The following ANKRD13B variants were observed in gnomAD, a reference collection of about 807,000 sequenced individuals.
The protein encoded by ANKRD13B is ankyrin repeat domain-containing protein 13B.
A neutral mutation model predicts 74.4 loss-of-function variants in ANKRD13B; 33 were observed. The ratio of observed to expected loss-of-function variants is 0.44; its 90% CI spans 0.34 to 0.59. ANKRD13B has a LOEUF of 0.59. Among genes scored for constraint, ANKRD13B ranks in the 20% least tolerant of loss-of-function variants. The pLI is 0.02. For missense variants in ANKRD13B, 676 were observed against 877.9 expected, an observed-to-expected ratio of 0.77 and a Z score of 2.91; for synonymous variants, 341 against 362.9, an observed-to-expected ratio of 0.94 and a Z score of 0.68.
At chr17:29,598,005 C>G (rs1406508611) in intron 1 of ANKRD13B, among the ~76,000 whole-genome samples, 1 of 150,988 alleles carries the variant, frequency 6.6e-6, no homozygotes, top group Non-Finnish European at 1.5e-5. Context: ...GCTGCAGCAT[C>G]TGGGGCAGGG....
chr17:29,599,374 G>A (rs902790941), intron 1 of ANKRD13B: 2 of 98,298 alleles, frequency 2.0e-5, no homozygotes, highest in Non-Finnish European at 4.1e-5. Flanking sequence ...GTGGACAATA[G>A]AGCCTGGCAA....
At chr17:29,599,880 T>TTG (rs2034098440) in intron 1 of ANKRD13B, among the ~76,000 whole-genome samples, 1 of 124,530 alleles carries the variant, frequency 8.0e-6, no homozygotes, top group Non-Finnish European at 1.7e-5. Context: ...TTTTTTTTTT[T>TTG]TTTTTTTTTT....
chr17:29,593,711 G>T lies in ANKRD13B; in HGVS notation c.90G>T (p.Leu30=). Residue 30 remains leucine, a synonymous_variant, in exon 1 of 15, where the codon CTG becomes CTT. Coordinates refer to ENST00000394859, the MANE Select transcript of ANKRD13B (RefSeq NM_152345.5). ...YLVWHNRHRE[L]EKEVRAGQVD... is the part of the protein sequence containing the mutation. ...TGTGGCACAACCGCCACCGCGAGCT[G>T]GAGAAGGAGGTCCGCGCGGGCCAGG... 7.0e-7 allele frequency: 1 copy of T among 1,435,608 alleles called. No homozygotes were observed. The highest frequency in any genetic ancestry group is 9.2e-7 in the Non-Finnish European group (1 of 1,084,624). 88.9% of individuals were successfully genotyped at this position (1,435,608 alleles called of 1,614,324 possible). A position where few individuals can be genotyped will look rare whatever the true frequency, so the allele number is the denominator to read the frequency against.
rs370548766 is a variant in ANKRD13B, at chr17:29,606,728, TAAAAAAA to T, written c.115-988_115-982del. Among the ~76,000 whole-genome samples, 86 of 62,966 alleles carry T rather than the reference TAAAAAAA, an allele frequency of 1.4e-3. 1 individual carries two copies. Among genetic ancestry groups the T allele is most frequent in the African/African-American group, 2.9e-3 (46 of 15,624 alleles). The allele number at this position is 62,966 out of a possible 152,430, so 41.3% of individuals were successfully genotyped here. A position where few individuals can be genotyped will look rare whatever the true frequency, so the allele number is the denominator to read the frequency against. ...TGACATAGTGAGACCCTGTCTCAAG[TAAAAAAA>T]AAAAAAAAAAAAAAAAAAAAAAAAA... On this transcript the variant is annotated intron_variant, in intron 1 of 14. Coordinates refer to ENST00000394859, the MANE Select transcript of ANKRD13B (RefSeq NM_152345.5).
intron 1 of ANKRD13B, among the ~76,000 whole-genome samples, chr17:29,605,998 C>T (rs1225661778): frequency 2.0e-5 from 3 of 151,826 alleles, no homozygotes; most frequent in South Asian, 2.1e-4. Context: ...CTGCAACCTC[C>T]GCCTCCCGGG....
In ANKRD13B at chr17:29,611,421, G is replaced by A. The variant is rs921602955; in HGVS notation, c.905-158G>A. On this transcript the variant is annotated intron_variant, in intron 8 of 14. Coordinates refer to ENST00000394859, the MANE Select transcript of ANKRD13B (RefSeq NM_152345.5). The surrounding 1 kb of genome is among the most constrained non-coding windows in gnomAD (Gnocchi z 4.3). Reference sequence around the variant, plus strand: ...TGGCCCCTGGTCCTTGAAGCACTCAGTCCCCTTCAGGTGAAGGTGCCTGAG... The same window carrying A: ...TGGCCCCTGGTCCTTGAAGCACTCAATCCCCTTCAGGTGAAGGTGCCTGAG... 2.0e-5 allele frequency among the ~76,000 whole-genome samples: 3 copies of A among 152,208 alleles called. No homozygotes were observed. The highest frequency in any genetic ancestry group is 7.2e-5 in the African/African-American group (3 of 41,458).
At chr17:29,600,358 T>A (rs765581016) in intron 1 of ANKRD13B, among the ~76,000 whole-genome samples, 1 of 152,098 alleles carries the variant, frequency 6.6e-6, no homozygotes, top group Non-Finnish European at 1.5e-5. Flanking sequence ...TCACCAGATG[T>A]CTGTATTCTG....
At chr17:29,601,297 C>T (rs2034169728) in intron 1 of ANKRD13B, among the ~76,000 whole-genome samples, 1 of 151,170 alleles carries the variant, frequency 6.6e-6, no homozygotes, top group African/African-American at 2.4e-5. Flanking sequence ...TCTCTGTTCA[C>T]TGCAACCTCC....
At chr17:29,605,787 A>G (rs867260952) in intron 1 of ANKRD13B, among the ~76,000 whole-genome samples, 2 of 152,106 alleles carry the variant, frequency 1.3e-5, no homozygotes, top group Non-Finnish European at 2.9e-5. Flanking sequence ...TTTTGCAGCA[A>G]TAATTTTCTC....
At position 29,608,209 on chromosome 17, in the gene ANKRD13B, C is replaced by T. The variant is rs768567187; in HGVS notation, c.390C>T (p.Tyr130=). 31 of 1,614,062 alleles carry T rather than the reference C, an allele frequency of 1.9e-5. No homozygotes were observed. Among genetic ancestry groups the T allele is most frequent in the South Asian group, 4.4e-5 (4 of 91,082 alleles). The change falls in exon 4 of 15, where the codon TAC becomes TAT. Residue 130 remains tyrosine (Y), a synonymous_variant. Coordinates refer to ENST00000394859, the MANE Select transcript of ANKRD13B (RefSeq NM_152345.5). This position sits in a 1 kb window ranked among gnomAD's most constrained non-coding sequence, Gnocchi z 6.4. The part of the protein sequence containing the change: ...LEKLRKAQDF[Y]VEMKWEFTSW... The stretch of plus-strand genomic sequence containing the variant: ...TCGTCCTCCAGGCCCAGGACTTCTA[C>T]GTGGAGATGAAATGGGAGTTCACTA...
At position 29,607,751 on chromosome 17, in the gene ANKRD13B, G is replaced by A; in HGVS notation, c.124G>A (p.Glu42Lys). 3 of 1,598,676 alleles carry A rather than the reference G, an allele frequency of 1.9e-6. No individual in the cohort carries two copies. The highest frequency in any genetic ancestry group is 1.7e-6 in the Non-Finnish European group (2 of 1,179,004). Residue 42 changes from glutamate (E) to lysine (K), a missense_variant, in exon 2 of 15, where the codon GAG becomes AAG. By Grantham distance (56) the Glu-to-Lys change is moderately conservative (BLOSUM62 1). This residue lies in a region of ANKRD13B where 88 missense variants were observed against 87.8 expected (regional missense o/e 1.00). Coordinates refer to ENST00000394859, the MANE Select transcript of ANKRD13B (RefSeq NM_152345.5). ...CCTCCTCCTCCTCCAGGTGGACATC[G>A]AGCAGCTGGATCCCCGCGGCCGGAC... ...KEVRAGQVDI[E>K]QLDPRGRTPL...
At position 29,612,632 on chromosome 17, in the gene ANKRD13B, C is replaced by T. The variant is rs754029689; in HGVS notation, c.1412-20C>T. 1 of 1,528,356 alleles carries T rather than the reference C, an allele frequency of 6.5e-7. No individual in the cohort carries two copies. The highest frequency in any genetic ancestry group is 2.4e-5 in the East Asian group (1 of 41,678). 94.7% of individuals were successfully genotyped at this position (1,528,356 alleles called of 1,614,324 possible). ...GAGGGGCGCGCCCGGCCGTGCCTGA[C>T]CCAGCCCCCGCGCCCCCAGCCTCCT... is the stretch of plus-strand genomic sequence containing the variant. On this transcript the variant is annotated intron_variant, in intron 12 of 14. Coordinates refer to ENST00000394859, the MANE Select transcript of ANKRD13B (RefSeq NM_152345.5). The surrounding 1 kb of genome is among the most constrained non-coding windows in gnomAD (Gnocchi z 6.1).
intron 1 of ANKRD13B, among the ~76,000 whole-genome samples, chr17:29,597,130 G>C (rs1165910057): frequency 6.6e-6 from 1 of 152,242 alleles, no homozygotes; most frequent in East Asian, 1.9e-4. Flanking sequence ...TTGAGCACAG[G>C]CTCTGCGTCC....
chr17:29,613,803 C>G lies in ANKRD13B; in HGVS notation c.*221C>G, dbSNP rs371896718. 1.5e-6 allele frequency: 1 copy of G among 657,300 alleles called. No homozygotes were observed. The allele number at this position is 657,300 out of a possible 1,614,324, so 40.7% of individuals were successfully genotyped here. A position where few individuals can be genotyped will look rare whatever the true frequency, so the allele number is the denominator to read the frequency against. Reference sequence around the variant, plus strand: ...GGAGGCAACTGGCACGGCCTGGTCCCCCTGCTTTGCTGTATTCTGATTCCC... The same window carrying G: ...GGAGGCAACTGGCACGGCCTGGTCCGCCTGCTTTGCTGTATTCTGATTCCC... On this transcript the variant is annotated 3_prime_UTR_variant, in exon 15 of 15. Transcript: ENST00000394859.
At chr17:29,602,360 A>C (rs2150883623) in intron 1 of ANKRD13B, among the ~76,000 whole-genome samples, 1 of 147,934 alleles carries the variant, frequency 6.8e-6, no homozygotes, top group Non-Finnish European at 1.5e-5. Context: ...ACGCCACTGC[A>C]CTCCAGCCTG....
chr17:29,593,754 C>A lies in ANKRD13B; in HGVS notation c.114+19C>A, dbSNP rs2033847715. 1 of 1,360,582 alleles carries A rather than the reference C, an allele frequency of 7.3e-7. No homozygotes were observed. Among genetic ancestry groups the A allele is most frequent in the East Asian group, 3.2e-5 (1 of 31,116 alleles). The allele number at this position is 1,360,582 out of a possible 1,614,324, so 84.3% of individuals were successfully genotyped here. The stretch of plus-strand genomic sequence containing the variant: ...GGGCCAGGTAGGAGCGCCTTCGGGG[C>A]GCCGCGGGGACCCCGCGGCCGGGCA... On this transcript the variant is annotated intron_variant, in intron 1 of 14. Transcript: ENST00000394859.
intron 1 of ANKRD13B, chr17:29,594,060 G>A (rs1035215719): frequency 6.1e-6 from 1 of 164,728 alleles, no homozygotes. Flanking sequence ...AGCCAGTTGA[G>A]CGGCGACACC....
rs766734204 is a variant in ANKRD13B at position 29,613,473 on chromosome 17, G to A, written c.1772G>A (p.Arg591Gln). 11 of 1,532,734 alleles carry A rather than the reference G, an allele frequency of 7.2e-6. No homozygotes were observed. In the Admixed American group the frequency reaches 1.4e-4, roughly 20 times the overall value. The allele number at this position is 1,532,734 out of a possible 1,614,324, so 94.9% of individuals were successfully genotyped here. A position where few individuals can be genotyped will look rare whatever the true frequency, so the allele number is the denominator to read the frequency against. ...HVFRSYDEQL[R>Q]LAMELSAQEQ... ...TTCCGGAGCTACGACGAGCAGCTGC[G>A]GCTGGCGATGGAACTGTCGGCGCAG... The change falls in exon 15 of 15, where the codon CGG (arginine) becomes CAG (glutamine). Residue 591 changes from arginine to glutamine, a missense_variant. By Grantham distance (43) the Arg-to-Gln change is conservative (BLOSUM62 1). Transcript: ENST00000394859.
At chr17:29,601,468 C>T (rs558072300) in intron 1 of ANKRD13B, among the ~76,000 whole-genome samples, 4 of 152,164 alleles carry the variant, frequency 2.6e-5, no homozygotes, top group South Asian at 4.2e-4. Flanking sequence ...GTGACCTGCC[C>T]GCCTCGGCCT....
Sources: gnomAD v4.1 joint callset for allele counts (sites outside exome capture counted in the v4.1 genomes callset) on GRCh38, gnomAD v4.1.1 for gene constraint, gnomAD v4.1.1 regional missense constraint, Gnocchi (gnomAD v3.1) non-coding constraint, MANE v1.5 for transcripts, NCBI Gene and HGNC (gene_info 2026-07-23, HGNC 2026-07-21) for gene names.